TCF4: variants seen among roughly 807,000 people sequenced by gnomAD.
TCF4 encodes the protein SL3-3 enhancer factor 2.
In TCF4, 3 loss-of-function variants were observed where a neutral mutation model predicts 82.1. The ratio of observed to expected loss-of-function variants is 0.04; its 90% CI spans 0.02 to 0.09. TCF4 has a LOEUF of 0.09. Among genes scored for constraint, TCF4 ranks in the 10% least tolerant of loss-of-function variants. TCF4 has a pLI of 1.00. For missense variants in TCF4, 518 were observed against 852.7 expected, an observed-to-expected ratio of 0.61 and a Z score of 4.89; for synonymous variants, 276 against 309.6, an observed-to-expected ratio of 0.89 and a Z score of 1.14.
At chr18:55,420,682 G>A (rs1342480907) in intron 5 of TCF4, among the ~76,000 whole-genome samples, 1 of 152,088 alleles carries the variant, frequency 6.6e-6, no homozygotes, top group Non-Finnish European at 1.5e-5. Flanking sequence ...AACGTTCAGC[G>A]TTATAAAATT....
intron 9 of TCF4, among the ~76,000 whole-genome samples, chr18:55,278,827 C>A (rs113592630): frequency 6.6e-6 from 1 of 152,126 alleles, no homozygotes; most frequent in Admixed American, 6.5e-5. Flanking sequence ...CTTGGCCTCC[C>A]AAGTGTTGGG....
intron 6 of TCF4, among the ~76,000 whole-genome samples, chr18:55,381,467 C>T (rs2091889260): frequency 6.6e-6 from 1 of 152,224 alleles, no homozygotes; most frequent in African/African-American, 2.4e-5. Context: ...GCTGCTTTGG[C>T]ATTCTCAACA....
chr18:55,545,352 A>C lies in TCF4; in HGVS notation c.145+39928T>G, dbSNP rs1052905389. On this transcript the variant is annotated intron_variant, in intron 3 of 19. Transcript: ENST00000354452. ...TTTGTCTTCTAGTCAAGCAACAGGT[A>C]CCAAGGAAATGAACCTTGGCTCTTA... Among the ~76,000 whole-genome samples, 34 of 152,216 alleles carry C rather than the reference A, an allele frequency of 2.2e-4. 2 individuals are homozygous for C. Among genetic ancestry groups the C allele is most frequent in the Admixed American group, 1.8e-3 (28 of 15,280 alleles).
Position 55,238,897 on chromosome 18 carries a change from G to A in TCF4, c.1351-4214C>T, listed in dbSNP as rs180937597. 5.9e-5 allele frequency among the ~76,000 whole-genome samples: 9 copies of A among 152,280 alleles called. 1 individual carries two copies. The highest frequency in any genetic ancestry group is 9.6e-5 in the African/African-American group (4 of 41,558). On this transcript the variant is annotated intron_variant, in intron 15 of 19. Coordinates refer to ENST00000354452, the MANE Select transcript of TCF4 (RefSeq NM_001083962.2). ...CCAGCTCATTTTGAAGCAGACATAGGTCATACTATGAATGGGCCACCTTAA... is the reference window on the plus strand; with the variant it reads ...CCAGCTCATTTTGAAGCAGACATAGATCATACTATGAATGGGCCACCTTAA...
chr18:55,321,291 A>G (rs543419768), intron 8 of TCF4: 20 of 238,972 alleles, frequency 8.4e-5, no homozygotes, highest in Admixed American at 4.5e-4. Flanking sequence ...GGCTTTCTCA[A>G]TTCTGCTTCT....
intron 9 of TCF4, 64 bp from the exon 10 acceptor site, chr18:55,275,816 T>A: frequency 6.2e-7 from 1 of 1,603,282 alleles, no homozygotes; most frequent in Non-Finnish European, 8.5e-7. Flanking sequence ...AGAATAGGGT[T>A]TTTTCATATA....
At chr18:55,577,297 T>C (rs1442617821) in intron 3 of TCF4, among the ~76,000 whole-genome samples, 1 of 149,268 alleles carries the variant, frequency 6.7e-6, no homozygotes, top group Non-Finnish European at 1.5e-5. Context: ...TATATGATGA[T>C]CCATCAATCA....
At position 55,558,722 on chromosome 18, in the gene TCF4, T is replaced by C. The variant is rs553865020; in HGVS notation, c.145+26558A>G. Among the ~76,000 whole-genome samples the C allele has an allele frequency of 3.9e-5, 6 of 152,298 alleles. No individual in the cohort carries two copies. In the South Asian group the frequency reaches 8.3e-4, roughly 21 times the overall value. ...ACGCAGATTCTGTTAGTTATTGTTATCGTTTTTAGGTATGGTTTCCATGGG... is the reference window on the plus strand; with the variant it reads ...ACGCAGATTCTGTTAGTTATTGTTACCGTTTTTAGGTATGGTTTCCATGGG... On this transcript the variant is annotated intron_variant, in intron 3 of 19. Coordinates refer to ENST00000354452, the MANE Select transcript of TCF4 (RefSeq NM_001083962.2).
At chr18:55,507,175 G>A (rs2096771098) in intron 3 of TCF4, among the ~76,000 whole-genome samples, 2 of 152,006 alleles carry the variant, frequency 1.3e-5, no homozygotes, top group Admixed American at 1.3e-4. Context: ...TTCTTAAGTG[G>A]GGAACTTTGC....
chr18:55,579,465 A>G (rs1603624312), intron 3 of TCF4, among the ~76,000 whole-genome samples: 1 of 147,476 alleles, frequency 6.8e-6, no homozygotes, highest in African/African-American at 2.5e-5. Context: ...AAAAAAAAAA[A>G]TAATAAAGAA....
At chr18:55,481,001 G>C (rs1237905564) in intron 3 of TCF4, among the ~76,000 whole-genome samples, 1 of 151,670 alleles carries the variant, frequency 6.6e-6, no homozygotes, top group Non-Finnish European at 1.5e-5. Flanking sequence ...CTACTTGGGA[G>C]GCTGAGGCAG....
At chr18:55,551,701 A>G (rs764559753) in intron 3 of TCF4, 1 of 152,206 alleles carries the variant, frequency 6.6e-6, no homozygotes. Context: ...CATACTTGCC[A>G]AGTTACGGTC....
intron 10 of TCF4, among the ~76,000 whole-genome samples, chr18:55,275,064 G>T (rs1169378421): frequency 6.6e-6 from 1 of 151,890 alleles, no homozygotes; most frequent in Non-Finnish European, 1.5e-5. Flanking sequence ...TTAAAATACT[G>T]AAAAATGGGA....
At chr18:55,467,746 C>T (rs1479226581) in intron 3 of TCF4, among the ~76,000 whole-genome samples, 1 of 152,190 alleles carries the variant, frequency 6.6e-6, no homozygotes, top group Non-Finnish European at 1.5e-5. Flanking sequence ...TACCAGGACA[C>T]TGCACGGTCT....
intron 3 of TCF4, among the ~76,000 whole-genome samples, chr18:55,554,138 G>A (rs907149139): frequency 7.2e-5 from 11 of 152,016 alleles, no homozygotes; most frequent in Non-Finnish European, 1.5e-4. Context: ...ATATTGAGAT[G>A]ACAGAACCCT....
intron 5 of TCF4, among the ~76,000 whole-genome samples, chr18:55,406,748 C>T (rs1246643514): frequency 6.6e-6 from 1 of 152,306 alleles, no homozygotes; most frequent in East Asian, 1.9e-4. Context: ...CTCCCCCCAT[C>T]CCCACAACCA....
chr18:55,457,020 C>CA (rs769207259), intron 5 of TCF4, among the ~76,000 whole-genome samples: 34 of 152,142 alleles, frequency 2.2e-4, no homozygotes, highest in Non-Finnish European at 4.3e-4. Context: ...AGGCAAAATG[C>CA]AACCTGGCAT....
chr18:55,505,309 A>G (rs1299065378), intron 3 of TCF4, among the ~76,000 whole-genome samples: 2 of 152,206 alleles, frequency 1.3e-5, no homozygotes, highest in East Asian at 3.8e-4. Flanking sequence ...ATAGCTAACT[A>G]AAGTGTCTAA....
chr18:55,342,446 G>C (rs1408484282), intron 8 of TCF4, among the ~76,000 whole-genome samples: 1 of 152,068 alleles, frequency 6.6e-6, no homozygotes, highest in Non-Finnish European at 1.5e-5. Context: ...TTAAATGGCA[G>C]AATTTCGAAT....
Sources: allele counts gnomAD v4.1 joint callset (sites outside exome capture counted in the v4.1 genomes callset), GRCh38; gene constraint gnomAD v4.1.1; transcripts MANE v1.5; gene names NCBI Gene and HGNC (gene_info 2026-07-23, HGNC 2026-07-21).